LPP: variants seen among roughly 807,000 people sequenced by gnomAD.
LPP encodes the protein LIM domain containing preferred translocation partner in lipoma.
Under a neutral mutation model 60.4 loss-of-function variants are expected in LPP, and 38 were observed. That is an observed-to-expected ratio of 0.63 (90% CI 0.49 to 0.83). The LOEUF (loss-of-function observed/expected upper bound fraction) is 0.83, where lower values mean the gene tolerates loss of function less well. Among genes scored for constraint, LPP ranks in the 40% least tolerant of loss-of-function variants. The pLI is 0.00. For missense variants in LPP, 902 were observed against 783.6 expected (o/e 1.15, Z -1.80); for synonymous variants, 328 against 290.8 (o/e 1.13, Z -1.30).
chr3:188,661,001 T>G (rs907195506), intron 7 of LPP, among the ~76,000 whole-genome samples: 1 of 152,184 alleles, frequency 6.6e-6, no homozygotes, highest in Non-Finnish European at 1.5e-5. Flanking sequence ...TGCCTATTAT[T>G]ACTTTCTCCC....
chr3:188,526,081 G>T (rs1339258239), intron 6 of LPP, among the ~76,000 whole-genome samples: 1 of 152,196 alleles, frequency 6.6e-6, no homozygotes, highest in Non-Finnish European at 1.5e-5. Flanking sequence ...AAACGCTAGA[G>T]AAGCAGTATT....
At chr3:188,514,906 A>G (rs894655689) in intron 5 of LPP, among the ~76,000 whole-genome samples, 1 of 152,128 alleles carries the variant, frequency 6.6e-6, no homozygotes, top group African/African-American at 2.4e-5. Flanking sequence ...GGTTGAAAAC[A>G]TGGCTGTTTT....
At chr3:188,848,376 T>C (rs1761978918) in intron 9 of LPP, among the ~76,000 whole-genome samples, 1 of 152,244 alleles carries the variant, frequency 6.6e-6, no homozygotes, top group South Asian at 2.1e-4. Context: ...CCCTCTCTGA[T>C]GCAGATCCCA....
intron 5 of LPP, among the ~76,000 whole-genome samples, chr3:188,513,681 C>T (rs1056920741): frequency 3.8e-4 from 57 of 151,842 alleles, no homozygotes; most frequent in South Asian, 2.1e-4. Context: ...AATCATTCAA[C>T]GAGTAGGTAA....
At chr3:188,512,475 C>G (rs563988319) in intron 5 of LPP, among the ~76,000 whole-genome samples, 52 of 94,784 alleles carry the variant, frequency 5.5e-4, no homozygotes, top group African/African-American at 1.3e-3. Context: ...TTGCTTGAAC[C>G]TGGGAGACGG....
intron 8 of LPP, among the ~76,000 whole-genome samples, chr3:188,731,232 A>G (rs996429694): frequency 3.3e-5 from 5 of 152,064 alleles, no homozygotes; most frequent in African/African-American, 1.2e-4. Context: ...AAATAAGTCT[A>G]TTTTTTAAGA....
At chr3:188,279,557 A>G (rs1417097200) in intron 2 of LPP, among the ~76,000 whole-genome samples, 1 of 152,244 alleles carries the variant, frequency 6.6e-6, no homozygotes, top group African/African-American at 2.4e-5. Context: ...TTTAAGAAGC[A>G]CACAATCCTC....
intron 5 of LPP, among the ~76,000 whole-genome samples, chr3:188,486,128 A>G (rs886311910): frequency 6.6e-6 from 1 of 152,188 alleles, no homozygotes; most frequent in Non-Finnish European, 1.5e-5. Flanking sequence ...TTTTAAACAT[A>G]TACCTTTGTA....
chr3:188,838,589 C>T (rs532363075), intron 9 of LPP, among the ~76,000 whole-genome samples: 1 of 152,082 alleles, frequency 6.6e-6, no homozygotes, highest in African/African-American at 2.4e-5. Flanking sequence ...AAAGTTGAAG[C>T]GTAATTTCTT....
At chr3:188,452,705 T>C (rs749994686) in intron 4 of LPP, among the ~76,000 whole-genome samples, 1 of 152,196 alleles carries the variant, frequency 6.6e-6, no homozygotes, top group Non-Finnish European at 1.5e-5. Context: ...GCTTGTTTAC[T>C]GGCTTCTGCC....
chr3:188,754,136 T>A (rs529938731), intron 8 of LPP, among the ~76,000 whole-genome samples: 1 of 152,334 alleles, frequency 6.6e-6, no homozygotes, highest in African/African-American at 2.4e-5. Context: ...GATTCTATAT[T>A]GTCTAAGGCT....
intron 4 of LPP, among the ~76,000 whole-genome samples, chr3:188,474,641 C>T (rs2149557294): frequency 6.6e-6 from 1 of 152,336 alleles, no homozygotes; most frequent in South Asian, 2.1e-4. Context: ...TATTTGTTTG[C>T]AAGCTTCTTT....
intron 2 of LPP, among the ~76,000 whole-genome samples, chr3:188,290,029 C>T (rs1302446971): frequency 6.6e-6 from 1 of 151,888 alleles, no homozygotes; most frequent in Non-Finnish European, 1.5e-5. Flanking sequence ...TACCCTATCG[C>T]CCAGGATGGA....
At chr3:188,549,844 G>A (rs1579865410) in intron 6 of LPP, among the ~76,000 whole-genome samples, 1 of 152,252 alleles carries the variant, frequency 6.6e-6, no homozygotes, top group African/African-American at 2.4e-5. Context: ...ATAAATGTTT[G>A]CAGCCTCGCA....
At chr3:188,181,528 A>G (rs559716832) in intron 1 of LPP, among the ~76,000 whole-genome samples, 17 of 152,260 alleles carry the variant, frequency 1.1e-4, no homozygotes, top group African/African-American at 3.4e-4. Context: ...CAGGCCATAC[A>G]TGGTCTCTGT....
chr3:188,277,443 A>G (rs1265124047), intron 2 of LPP, among the ~76,000 whole-genome samples: 2 of 152,176 alleles, frequency 1.3e-5, no homozygotes, highest in African/African-American at 4.8e-5. Context: ...AAATGCTTCT[A>G]TCCCAGAGGA....
chr3:188,639,813 A>G (rs1037819123), intron 7 of LPP, among the ~76,000 whole-genome samples: 2 of 152,230 alleles, frequency 1.3e-5, no homozygotes, highest in Non-Finnish European at 1.5e-5. Context: ...CAAAACTACA[A>G]TGAGATACCA....
At chr3:188,344,905 C>A (rs946261033) in intron 3 of LPP, among the ~76,000 whole-genome samples, 2 of 152,156 alleles carry the variant, frequency 1.3e-5, no homozygotes, top group Non-Finnish European at 2.9e-5. Flanking sequence ...AAACTTCCCC[C>A]CTATTAAGAC....
Position 188,760,149 on chromosome 3 carries a change from A to G in LPP, c.1277A>G (p.Glu426Gly). The change falls in exon 9 of 12, where the codon GAA (glutamate) becomes GGA (glycine). Residue 426 changes from glutamate to glycine, a missense_variant. Coordinates refer to ENST00000617246, the MANE Select transcript of LPP (RefSeq NM_001375462.1). ...CARCGENVVGEGTGCTAMDQV... is the reference protein window; with the variant it reads ...CARCGENVVGGGTGCTAMDQV... The stretch of plus-strand genomic sequence containing the variant: ...CGCTGTGGAGAAAACGTAGTTGGGG[A>G]AGGTACAGGATGCACTGCCATGGAT... 1 of 1,614,028 alleles carries G rather than the reference A, an allele frequency of 6.2e-7. No homozygotes were observed. The highest frequency in any genetic ancestry group is 1.1e-5 in the South Asian group (1 of 91,068).
Sources: allele counts gnomAD v4.1 joint callset (sites outside exome capture counted in the v4.1 genomes callset), GRCh38; gene constraint gnomAD v4.1.1; transcripts MANE v1.5; gene names NCBI Gene and HGNC (gene_info 2026-07-23, HGNC 2026-07-21).